TNNT1: variants seen among roughly 807,000 people sequenced by gnomAD.
TNNT1 encodes troponin T, slow skeletal muscle.
TNNT1 carries 53 observed loss-of-function variants against 50.6 expected under a neutral mutation model. The observed-to-expected ratio is 1.05, with a 90% CI of 0.84 to 1.32. TNNT1 has a LOEUF of 1.32. TNNT1 is among the 40% of genes most tolerant of loss of function. TNNT1 has a pLI of 0.00. For missense variants in TNNT1, 348 were observed against 381.7 expected (o/e 0.91, Z 0.74); for synonymous variants, 142 against 138.0 (o/e 1.03, Z -0.20).
intron 13 of TNNT1, 46 bp downstream of exon 13, chr19:55,133,841 C>T (rs768006334): frequency 1.1e-5 from 17 of 1,611,690 alleles, no homozygotes; most frequent in South Asian, 4.4e-5. Context: ...TGAGAGTCAG[C>T]GGGAGGGTAG....
chr19:55,133,953 G>C lies in TNNT1; in HGVS notation c.751-26C>G, dbSNP rs200819103. The C allele has an allele frequency of 1.2e-5, 19 of 1,608,746 alleles. 1 individual carries two copies. The East Asian group carries it at 3.6e-4, about 30-fold the overall frequency. ...CTGCGGAGGCAGAAGACAGATGCTGGGACAGCCGGTGGGGACGTGGGGACG... is the reference window on the plus strand; with the variant it reads ...CTGCGGAGGCAGAAGACAGATGCTGCGACAGCCGGTGGGGACGTGGGGACG... On this transcript the variant is annotated intron_variant, in intron 12 of 13. Coordinates refer to ENST00000588981, the MANE Select transcript of TNNT1 (RefSeq NM_003283.6).
chr19:55,146,632 C>T, intron 4 of TNNT1, 49 bp downstream of exon 4: 1 of 818,484 alleles, frequency 1.2e-6, no homozygotes, highest in Non-Finnish European at 1.9e-6. Flanking sequence ...GCCCAGCGTC[C>T]CCGCCCCCCC....
Position 55,140,876 on chromosome 19 carries a change from C to G in TNNT1, c.387+7G>C. ...ATTTGGGCTCTCAGGGCAGGGGAGG[C>G]ACCCACCGCCAGCTTAGCCTGACGT... On this transcript the variant is annotated splice_region_variant and intron_variant, in intron 9 of 13. Transcript: ENST00000588981. 1 of 1,612,996 alleles carries G rather than the reference C, an allele frequency of 6.2e-7. No individual in the cohort carries two copies.
intron 1 of TNNT1, among the ~76,000 whole-genome samples, 176 bp downstream of exon 1, chr19:55,148,985 C>A (rs964326704): frequency 6.6e-6 from 1 of 152,028 alleles, no homozygotes; most frequent in Non-Finnish European, 1.5e-5. Context: ...TAGTATTTTC[C>A]CCTCTATCCT....
chr19:55,147,070 G>C, intron 2 of TNNT1, 49 bp from the exon 3 acceptor site: 1 of 1,613,322 alleles, frequency 6.2e-7, no homozygotes, highest in Non-Finnish European at 8.5e-7. Flanking sequence ...TTAGACCTGG[G>C]GTGGGAGAGC....
intron 2 of TNNT1, 22 bp downstream of exon 2, chr19:55,147,104 C>T (rs1480361000): frequency 2.5e-6 from 4 of 1,613,762 alleles, no homozygotes; most frequent in Non-Finnish European, 3.4e-6. Context: ...CACGCCCCAA[C>T]CCCTCCCAGT....
intron 6 of TNNT1, 24 bp from the exon 7 acceptor site, chr19:55,141,944 C>T (rs761290265): frequency 1.9e-6 from 3 of 1,613,146 alleles, no homozygotes; most frequent in South Asian, 1.1e-5. Context: ...AACACAGAGA[C>T]CATGAGTGGC....
At chr19:55,138,170 C>CCAGTGCCGCAGAGGCTGCTGGGACAT in intron 9 of TNNT1, 96 bp from the exon 10 acceptor site, 1 of 1,601,150 alleles carries the variant, frequency 6.2e-7, no homozygotes, top group Non-Finnish European at 8.5e-7. Context: ...ATCAGCAGAC[C>CCAGTGCCGCAGAGGCTGCTGGGACAT]CAGTGCCGCA....
intron 11 of TNNT1, 24 bp from the exon 12 acceptor site, chr19:55,134,228 C>A (rs1429151321): frequency 9.0e-6 from 14 of 1,553,922 alleles, no homozygotes; most frequent in Admixed American, 3.9e-5. Context: ...CGGAGAGGAA[C>A]TTGGGCCCAG....
chr19:55,142,310 A>T (rs1304522996), intron 6 of TNNT1, among the ~76,000 whole-genome samples: 3 of 150,868 alleles, frequency 2.0e-5, no homozygotes, highest in Non-Finnish European at 2.9e-5. Context: ...TTTAGTAGAG[A>T]CGGGGCTTCA....
At chr19:55,133,372 CAGAG>C (rs976090070) in intron 13 of TNNT1, among the ~76,000 whole-genome samples, 2 of 151,432 alleles carry the variant, frequency 1.3e-5, no homozygotes, top group Non-Finnish European at 2.9e-5. Flanking sequence ...AGTGGAGAAA[CAGAG>C]AGATTCAGGG....
intron 6 of TNNT1, among the ~76,000 whole-genome samples, chr19:55,143,968 C>T (rs1191060914): frequency 2.6e-5 from 4 of 152,026 alleles, no homozygotes; most frequent in Non-Finnish European, 4.4e-5. Context: ...AGAGACCCTT[C>T]GGGGTTGTCC....
chr19:55,141,083 C>T, intron 8 of TNNT1, 103 bp downstream of exon 8: 1 of 1,480,224 alleles, frequency 6.8e-7, no homozygotes, highest in Non-Finnish European at 9.4e-7. Flanking sequence ...AAGCCTAAGG[C>T]TCAGCTCTGT....
chr19:55,141,672 C>A (rs532856175), intron 7 of TNNT1, among the ~76,000 whole-genome samples, 185 bp downstream of exon 7: 99 of 152,052 alleles, frequency 6.5e-4, no homozygotes, highest in Non-Finnish European at 2.9e-5. Context: ...TTAGTAGAGA[C>A]GGGGTTTCAC....
chr19:55,137,102 C>T lies in TNNT1; in HGVS notation c.611+1G>A, dbSNP rs759458391. ...CACCCCGAGCCCCCCACAGCACCTA[C>T]CGGAGCTGTTCCTCCCCCATGTAGT... On this transcript the variant is annotated splice_donor_variant, in intron 11 of 13. Transcript: ENST00000588981. LOFTEE classifies it high-confidence loss of function. 3 of 1,369,726 alleles carry T rather than the reference C, an allele frequency of 2.2e-6. No homozygotes were observed. The highest frequency in any genetic ancestry group is 4.9e-5 in the East Asian group (2 of 40,954). 84.8% of individuals were successfully genotyped at this position (1,369,726 alleles called of 1,614,324 possible).
chr19:55,146,817 G>A, intron 3 of TNNT1, 110 bp from the exon 4 acceptor site: 1 of 1,145,238 alleles, frequency 8.7e-7, no homozygotes, highest in South Asian at 1.6e-5. Flanking sequence ...CTCTGGCCTC[G>A]GCTGCGATGG....
At chr19:55,137,012 A>G (rs1195469976) in intron 11 of TNNT1, 91 bp downstream of exon 11, 4 of 796,912 alleles carry the variant, frequency 5.0e-6, no homozygotes, top group Non-Finnish European at 8.5e-6. Flanking sequence ...TGAGACCCGG[A>G]GTATCTGCCC....
intron 9 of TNNT1, among the ~76,000 whole-genome samples, chr19:55,140,224 T>TG (rs1331712408): frequency 6.7e-6 from 1 of 149,584 alleles, no homozygotes; most frequent in Non-Finnish European, 1.5e-5. Context: ...CTTTGGGAGG[T>TG]GAAAGCAGGT....
intron 6 of TNNT1, 124 bp from the exon 7 acceptor site, chr19:55,142,044 C>CCGCCT: frequency 1.1e-6 from 1 of 882,176 alleles, no homozygotes; most frequent in Non-Finnish European, 1.9e-6. Flanking sequence ...GTGGAGGGTC[C>CCGCCT]CAGCTGAGGC....
Sources: gnomAD v4.1 joint callset for allele counts (sites outside exome capture counted in the v4.1 genomes callset) on GRCh38, gnomAD v4.1.1 for gene constraint, MANE v1.5 for transcripts, NCBI Gene and HGNC (gene_info 2026-07-23, HGNC 2026-07-21) for gene names.